FBXL17: variants seen among roughly 807,000 people sequenced by gnomAD.
FBXL17 encodes F-box/LRR-repeat protein 17.
FBXL17 carries 22 observed loss-of-function variants against 66.2 expected under a neutral mutation model. That is an observed-to-expected ratio of 0.33 (90% CI 0.24 to 0.47). The LOEUF is 0.47. FBXL17 is among the 20% of genes least tolerant of loss of function. The pLI is 1.00. For synonymous variants in FBXL17, 474 were observed against 400.5 expected, an observed-to-expected ratio of 1.18 and a Z score of -2.19; for missense variants, 878 against 948.2, an observed-to-expected ratio of 0.93 and a Z score of 0.97.
At chr5:108,090,393 T>C (rs1749143576) in intron 6 of FBXL17, among the ~76,000 whole-genome samples, 1 of 152,190 alleles carries the variant, frequency 6.6e-6, no homozygotes. Context: ...GACCACCCTT[T>C]CACAATGCCT....
chr5:108,123,067 C>G (rs1750565467), intron 6 of FBXL17, among the ~76,000 whole-genome samples: 1 of 150,496 alleles, frequency 6.6e-6, no homozygotes, highest in South Asian at 2.1e-4. Flanking sequence ...TATAAAATCT[C>G]CTACTTCTCC....
intron 6 of FBXL17, among the ~76,000 whole-genome samples, chr5:108,030,796 A>G (rs1452936385): frequency 1.3e-5 from 2 of 152,152 alleles, no homozygotes; most frequent in East Asian, 1.9e-4. Context: ...GAAGGGGAGC[A>G]ATGGCAGGTG....
At chr5:108,198,817 G>GT (rs1179166783) in intron 5 of FBXL17, among the ~76,000 whole-genome samples, 2 of 152,134 alleles carry the variant, frequency 1.3e-5, no homozygotes, top group Admixed American at 6.6e-5. Flanking sequence ...AAAATTCTAG[G>GT]TTAATGACTA....
intron 8 of FBXL17, among the ~76,000 whole-genome samples, chr5:107,871,057 C>CAAAAAAAAAA (rs201752049): frequency 1.8e-4 from 12 of 65,882 alleles, no homozygotes; most frequent in South Asian, 4.8e-4. Flanking sequence ...TCTTGGGCGG[C>CAAAAAAAAAA]AAAAAAAAAA....
At chr5:108,372,087 AAAG>A (rs768540760) in intron 1 of FBXL17, among the ~76,000 whole-genome samples, 4 of 152,190 alleles carry the variant, frequency 2.6e-5, no homozygotes, top group Non-Finnish European at 5.9e-5. Context: ...TCATGCTGTA[AAAG>A]AAGTTTCCTC....
intron 4 of FBXL17, among the ~76,000 whole-genome samples, chr5:108,312,439 A>C (rs904399770): frequency 3.9e-5 from 6 of 152,276 alleles, no homozygotes; most frequent in African/African-American, 1.4e-4. Context: ...CATTGCTGGA[A>C]GGCAGCCCCA....
At chr5:107,908,605 A>G (rs545760647) in intron 7 of FBXL17, among the ~76,000 whole-genome samples, 5 of 152,160 alleles carry the variant, frequency 3.3e-5, no homozygotes, top group Non-Finnish European at 7.4e-5. Context: ...GGATAATCTC[A>G]TATGTGCTGG....
At chr5:108,123,352 C>G (rs1467465611) in intron 6 of FBXL17, among the ~76,000 whole-genome samples, 1 of 151,954 alleles carries the variant, frequency 6.6e-6, no homozygotes, top group Non-Finnish European at 1.5e-5. Context: ...AAAGCAAGAT[C>G]GAGCAACTCT....
At chr5:108,235,891 A>G (rs1755579426) in intron 4 of FBXL17, among the ~76,000 whole-genome samples, 1 of 152,206 alleles carries the variant, frequency 6.6e-6, no homozygotes, top group African/African-American at 2.4e-5. Flanking sequence ...GAAGAAATAC[A>G]TTTTTTGATG....
chr5:108,215,862 T>C (rs1754577620), intron 5 of FBXL17, among the ~76,000 whole-genome samples: 1 of 152,212 alleles, frequency 6.6e-6, no homozygotes, highest in African/African-American at 2.4e-5. Context: ...AACCATGTTA[T>C]AGTTAATTTT....
chr5:108,382,067 G>T lies in FBXL17; in HGVS notation c.-376C>A, dbSNP rs1222387612. On this transcript the variant is annotated 5_prime_UTR_variant, in exon 1 of 9. Transcript: ENST00000542267. ...TCCCGCTCGGACCATTTTAACTGCG[G>T]ATCCGCCGCCGGCGCGCGCACCCGC... The T allele has an allele frequency of 1.4e-5, 10 of 723,312 alleles. No homozygotes were observed. Among genetic ancestry groups the T allele is most frequent in the South Asian group, 1.3e-4 (2 of 15,668 alleles). The allele number at this position is 723,312 out of a possible 1,614,324, so 44.8% of individuals were successfully genotyped here.
chr5:108,129,403 T>A (rs6889772), intron 6 of FBXL17, among the ~76,000 whole-genome samples: 20,981 of 152,012 alleles, frequency 0.14, 1,549 homozygotes, highest in Admixed American at 0.17. Context: ...TCATCTGTAG[T>A]CTGATTTACA....
At chr5:107,943,183 C>T (rs943358561) in intron 7 of FBXL17, among the ~76,000 whole-genome samples, 1 of 152,208 alleles carries the variant, frequency 6.6e-6, no homozygotes, top group African/African-American at 2.4e-5. Flanking sequence ...CAACTCTACA[C>T]TTTGAGTCCC....
At chr5:108,290,658 C>G (rs905045668) in intron 4 of FBXL17, among the ~76,000 whole-genome samples, 1 of 152,132 alleles carries the variant, frequency 6.6e-6, no homozygotes, top group Non-Finnish European at 1.5e-5. Context: ...AACAGAAATT[C>G]CTGTTTTCCC....
At chr5:108,028,402 G>A (rs1169700303) in intron 6 of FBXL17, among the ~76,000 whole-genome samples, 2 of 152,098 alleles carry the variant, frequency 1.3e-5, no homozygotes, top group Non-Finnish European at 2.9e-5. Flanking sequence ...TGATATGAAA[G>A]TCTCAGTTCA....
At chr5:107,979,966 G>A (rs1448006948) in intron 7 of FBXL17, among the ~76,000 whole-genome samples, 2 of 152,098 alleles carry the variant, frequency 1.3e-5, no homozygotes, top group African/African-American at 4.8e-5. Context: ...AATGCATCTG[G>A]TATGCTCTGA....
chr5:107,904,945 G>A (rs1445004635), intron 7 of FBXL17, among the ~76,000 whole-genome samples: 2 of 151,958 alleles, frequency 1.3e-5, no homozygotes, highest in East Asian at 3.9e-4. Flanking sequence ...AGGAGGAGGA[G>A]GGTGAAGGTG....
At chr5:108,206,965 G>C (rs1220804989) in intron 5 of FBXL17, among the ~76,000 whole-genome samples, 2 of 152,002 alleles carry the variant, frequency 1.3e-5, no homozygotes, top group East Asian at 3.9e-4. Context: ...TAAACACTTT[G>C]GACCATTTTA....
intron 7 of FBXL17, among the ~76,000 whole-genome samples, chr5:107,935,206 T>G (rs553661303): frequency 3.9e-5 from 6 of 152,230 alleles, no homozygotes; most frequent in Admixed American, 3.9e-4. Context: ...AATAGCAGCC[T>G]TCAAGAATCA....
Sources: allele counts gnomAD v4.1 joint callset (sites outside exome capture counted in the v4.1 genomes callset), GRCh38; gene constraint gnomAD v4.1.1; transcripts MANE v1.5; gene names NCBI Gene and HGNC (gene_info 2026-07-23, HGNC 2026-07-21).